USP13: variants seen among roughly 807,000 people sequenced by gnomAD.
USP13 encodes the protein ubiquitin specific peptidase 13, also known as ubiquitin carboxyl-terminal hydrolase 13.
Under a neutral mutation model 107.8 loss-of-function variants are expected in USP13, and 68 were observed. That is an observed-to-expected ratio of 0.63 (90% CI 0.52 to 0.77). The LOEUF (loss-of-function observed/expected upper bound fraction) is 0.77, where lower values mean the gene tolerates loss of function less well. USP13 is among the 30% of genes least tolerant of loss of function. The pLI, the probability that USP13 is intolerant of heterozygous loss-of-function variation, is 0.00. For synonymous variants in USP13, 377 were observed against 389.5 expected (o/e 0.97, Z 0.38); for missense variants, 945 against 1,093.3 (o/e 0.86, Z 1.91).
intron 10 of USP13, among the ~76,000 whole-genome samples, chr3:179,733,512 A>G (rs1713878283): frequency 6.6e-6 from 1 of 152,050 alleles, no homozygotes; most frequent in East Asian, 1.9e-4. Flanking sequence ...TTTCAAAGGA[A>G]CCAATTTGTG....
At chr3:179,714,306 T>G (rs1713027209) in intron 6 of USP13, among the ~76,000 whole-genome samples, 1 of 152,202 alleles carries the variant, frequency 6.6e-6, no homozygotes, top group Admixed American at 6.5e-5. Flanking sequence ...TCTTTGGTCA[T>G]CTTTACCCCC....
chr3:179,684,280 C>CACACACACAG (rs373090592), intron 2 of USP13, among the ~76,000 whole-genome samples: 21,903 of 143,718 alleles, frequency 0.15, 1,818 homozygotes, highest in Non-Finnish European at 0.17. Context: ...TACACACACA[C>CACACACACAG]ACACACACAC....
intron 19 of USP13, among the ~76,000 whole-genome samples, chr3:179,768,911 T>TA (rs1157225278): frequency 3.9e-5 from 6 of 152,238 alleles, no homozygotes; most frequent in Admixed American, 2.6e-4. Context: ...TTTTCCTTTG[T>TA]AAAAAAATTA....
Position 179,784,138 on chromosome 3 carries a change from C to CGG in USP13, c.2589_2590insGG (p.Ter864GlyfsTer6). 1 of 1,600,848 alleles carries CGG rather than the reference C, an allele frequency of 6.2e-7. No individual in the cohort carries two copies. Among genetic ancestry groups the CGG allele is most frequent in the Non-Finnish European group, 8.5e-7 (1 of 1,176,448 alleles). On this transcript the variant is annotated frameshift_variant, in exon 21 of 21. Coordinates refer to ENST00000263966, the MANE Select transcript of USP13 (RefSeq NM_003940.3). LOFTEE classifies it high-confidence loss of function. ...TGTACTTTTACCGCAGGATACCAAG[C>CGG]TAAACCTCAAATATAAAAATTGGCG...
Position 179,786,901 on chromosome 3 carries a change from A to G in USP13, c.*2760A>G, listed in dbSNP as rs1015876787. ...TGTAAATATCTTTTGATATCCATTT[A>G]TGTAGAATTCCAATGAATATGTCTT... On this transcript the variant is annotated 3_prime_UTR_variant, in exon 21 of 21. Coordinates refer to ENST00000263966, the MANE Select transcript of USP13 (RefSeq NM_003940.3). The G allele has an allele frequency of 2.0e-5, 3 of 152,224 alleles. No individual in the cohort carries two copies. Among genetic ancestry groups the G allele is most frequent in the Non-Finnish European group, 4.4e-5 (3 of 68,044 alleles). 9.4% of individuals were successfully genotyped at this position (152,224 alleles called of 1,614,324 possible).
rs1299505233 is a variant in USP13, at chr3:179,781,752, T to G, written c.2427T>G (p.Phe809Leu). 5 of 1,613,976 alleles carry G rather than the reference T, an allele frequency of 3.1e-6. No individual in the cohort carries two copies. Among genetic ancestry groups the G allele is most frequent in the African/African-American group, 1.3e-5 (1 of 74,928 alleles). ...VKDGSGTYEL[F>L]AFISHMGTST... is the part of the protein sequence containing the mutation. ...CCTCTTTCACAGCATATGAGCTATT[T>G]GCATTCATCAGTCACATGGGAACAT... The change falls in exon 20 of 21, where the codon TTT becomes TTG. Residue 809 changes from phenylalanine to leucine, a missense_variant. Physicochemically the swap from Phe to Leu is conservative, Grantham distance 22. Coordinates refer to ENST00000263966, the MANE Select transcript of USP13 (RefSeq NM_003940.3).
intron 17 of USP13, 69 bp from the exon 18 acceptor site, chr3:179,763,932 GT>G: frequency 3.5e-6 from 5 of 1,423,610 alleles, no homozygotes; most frequent in Non-Finnish European, 4.6e-6. Flanking sequence ...GTTTTTCCTT[GT>G]TAGTGTTGTT....
At chr3:179,666,806 G>A (rs887454774) in intron 1 of USP13, among the ~76,000 whole-genome samples, 4 of 152,066 alleles carry the variant, frequency 2.6e-5, no homozygotes, top group African/African-American at 4.8e-5. Flanking sequence ...GCCGACAGCC[G>A]CCCACCTGGC....
At chr3:179,658,367 G>T (rs775196681) in intron 1 of USP13, among the ~76,000 whole-genome samples, 1 of 152,132 alleles carries the variant, frequency 6.6e-6, no homozygotes, top group Non-Finnish European at 1.5e-5. Context: ...CCTGCATTAC[G>T]TAGAGTCTGT....
chr3:179,658,235 G>A (rs749861675), intron 1 of USP13, among the ~76,000 whole-genome samples: 3 of 152,102 alleles, frequency 2.0e-5, no homozygotes, highest in Non-Finnish European at 4.4e-5. Flanking sequence ...ATTACAGGCG[G>A]GAGCCACTGC....
At chr3:179,690,933 T>G (rs1477750191) in intron 3 of USP13, among the ~76,000 whole-genome samples, 1 of 152,166 alleles carries the variant, frequency 6.6e-6, no homozygotes, top group East Asian at 1.9e-4. Context: ...GTTGGGAGGC[T>G]GAGGCAGGAG....
intron 4 of USP13, among the ~76,000 whole-genome samples, chr3:179,702,423 C>G (rs1050358204): frequency 2.6e-5 from 4 of 152,194 alleles, no homozygotes; most frequent in African/African-American, 9.7e-5. Context: ...TTAGACATGC[C>G]TGTTCATTTT....
At chr3:179,659,385 C>A (rs4854941) in intron 1 of USP13, among the ~76,000 whole-genome samples, 1 of 152,016 alleles carries the variant, frequency 6.6e-6, no homozygotes, top group Non-Finnish European at 1.5e-5. Context: ...GTTTTCAAAG[C>A]GTGCTCCCTG....
rs561154095 is a variant in USP13, at chr3:179,738,365, T to C, written c.1255-1882T>C. ...GGTTTGTATGACTGAGACCTAAGTG[T>C]GCTTACTTGTTTTTGCTACAGACAG... On this transcript the variant is annotated intron_variant, in intron 10 of 20. Transcript: ENST00000263966. Among the ~76,000 whole-genome samples, 15 of 152,310 alleles carry C rather than the reference T, an allele frequency of 9.8e-5. No individual in the cohort carries two copies. The South Asian group carries it at 2.3e-3, about 23-fold the overall frequency.
At chr3:179,673,970 G>A (rs1177542313) in intron 1 of USP13, among the ~76,000 whole-genome samples, 20 of 152,158 alleles carry the variant, frequency 1.3e-4, no homozygotes, top group Admixed American at 1.2e-3. Context: ...TTGGCTCACC[G>A]CAACCTCCGC....
At chr3:179,695,846 C>T (rs75270777) in intron 3 of USP13, among the ~76,000 whole-genome samples, 3,354 of 152,120 alleles carry the variant, frequency 0.022, 109 homozygotes, top group African/African-American at 0.077. Flanking sequence ...TCTGTAGTCC[C>T]TAGGGAGCCA....
chr3:179,661,392 G>C (rs961405859), intron 1 of USP13, among the ~76,000 whole-genome samples: 1 of 152,016 alleles, frequency 6.6e-6, no homozygotes, highest in Non-Finnish European at 1.5e-5. Flanking sequence ...AAAATTTAGA[G>C]AGTTTGATTG....
At chr3:179,682,438 A>G (rs537352855) in intron 2 of USP13, among the ~76,000 whole-genome samples, 2 of 152,182 alleles carry the variant, frequency 1.3e-5, no homozygotes, top group Non-Finnish European at 2.9e-5. Flanking sequence ...AGAAGTAACC[A>G]CTGCTTTGAA....
chr3:179,744,678 G>A (rs1714333465), intron 12 of USP13, among the ~76,000 whole-genome samples: 1 of 152,164 alleles, frequency 6.6e-6, no homozygotes, highest in Admixed American at 6.5e-5. Flanking sequence ...CCTTGTGTTG[G>A]GAGGATGGCA....
Sources: gnomAD v4.1 joint callset for allele counts (sites outside exome capture counted in the v4.1 genomes callset) on GRCh38, gnomAD v4.1.1 for gene constraint, MANE v1.5 for transcripts, NCBI Gene and HGNC (gene_info 2026-07-23, HGNC 2026-07-21) for gene names.